Variants in PRPF8 observed in about 807,000 individuals in gnomAD.
PRPF8 encodes pre-mRNA-processing-splicing factor 8.
In PRPF8, 64 loss-of-function variants were observed where a neutral mutation model predicts 285.9. The ratio of observed to expected loss-of-function variants is 0.22; its 90% CI spans 0.18 to 0.28. The LOEUF (loss-of-function observed/expected upper bound fraction) is 0.28. Among genes scored for constraint, PRPF8 ranks in the 10% least tolerant of loss-of-function variants. The pLI is 1.00. For missense variants in PRPF8, 1,426 were observed against 3,026.7 expected, an observed-to-expected ratio of 0.47 and a Z score of 12.41; for synonymous variants, 1,325 against 1,118.2, an observed-to-expected ratio of 1.18 and a Z score of -3.69.
At chr17:1,683,730 G>T in intron 2 of PRPF8, 29 bp from the exon 3 acceptor site, 1 of 1,612,624 alleles carries the variant, frequency 6.2e-7, no homozygotes, top group Admixed American at 1.7e-5. Context: ...TTAAAGGCCT[G>T]CACACCCTCC....
At position 1,651,580 on chromosome 17, in the gene PRPF8, G is replaced by A. The variant is rs944654762; in HGVS notation, c.6511-27C>T. 1.2e-6 allele frequency: 2 copies of A among 1,614,074 alleles called. No homozygotes were observed. Among genetic ancestry groups the A allele is most frequent in the Non-Finnish European group, 1.7e-6 (2 of 1,180,018 alleles). ...TATAGGTAAAGAGGAGTACAGAGCTGAATCCCATCCACAGACAGGAATCGC... is the reference window on the plus strand; with the variant it reads ...TATAGGTAAAGAGGAGTACAGAGCTAAATCCCATCCACAGACAGGAATCGC... On this transcript the variant is annotated intron_variant, in intron 40 of 42. Coordinates refer to ENST00000304992, the MANE Select transcript of PRPF8 (RefSeq NM_006445.4). This position sits in a 1 kb window ranked among gnomAD's most constrained non-coding sequence, Gnocchi z 5.1.
In PRPF8 at chr17:1,679,486, G is replaced by T; in HGVS notation, c.1290-76C>A. ...TGCTAAAGGCTGCAAGCCTTGGGTT[G>T]TCTACCATTTTTATGGGAAAAAAAA... On this transcript the variant is annotated intron_variant, in intron 9 of 42. Coordinates refer to ENST00000304992, the MANE Select transcript of PRPF8 (RefSeq NM_006445.4). This position sits in a 1 kb window ranked among gnomAD's most constrained non-coding sequence, Gnocchi z 4.7. 15 of 1,594,304 alleles carry T rather than the reference G, an allele frequency of 9.4e-6. No homozygotes were observed. The highest frequency in any genetic ancestry group is 1.0e-5 in the Non-Finnish European group (12 of 1,173,398).
In PRPF8 at chr17:1,673,993, C is replaced by A; in HGVS notation, c.3300-101G>T. On this transcript the variant is annotated intron_variant, in intron 21 of 42. Transcript: ENST00000304992. The surrounding 1 kb of genome is among the most constrained non-coding windows in gnomAD (Gnocchi z 5.5). ...AGACGGAGACCCCACCCCATCCTAC[C>A]CCCACCCTCCCCGGGCTTCATTCCA... is the stretch of plus-strand genomic sequence containing the variant. 1 of 1,275,170 alleles carries A rather than the reference C, an allele frequency of 7.8e-7. No individual in the cohort carries two copies. 79.0% of individuals were successfully genotyped at this position (1,275,170 alleles called of 1,614,324 possible). A position where few individuals can be genotyped will look rare whatever the true frequency, so the allele number is the denominator to read the frequency against.
At chr17:1,660,850 G>C in intron 28 of PRPF8, 23 bp from the exon 29 acceptor site, 1 of 1,613,492 alleles carries the variant, frequency 6.2e-7, no homozygotes, top group Non-Finnish European at 8.5e-7. Context: ...AGAAGCAGGT[G>C]AGGTGATATC....
Position 1,656,371 on chromosome 17 carries a change from TTC to T in PRPF8, c.5793+19_5793+20del. On this transcript the variant is annotated intron_variant, in intron 36 of 42. Transcript: ENST00000304992. ...TAAACCCGCTCCTCCTCCAGCGATC[TTC>T]TCTTCCCGAGGTTCATACCGTGTAA... 6.2e-7 allele frequency: 1 copy of T among 1,614,200 alleles called. No homozygotes were observed. The highest frequency in any genetic ancestry group is 8.5e-7 in the Non-Finnish European group (1 of 1,180,012).
At position 1,675,818 on chromosome 17, in the gene PRPF8, G is replaced by A. The variant is rs1353737148; in HGVS notation, c.2680-6C>T. ...TCCATGAACTCAATGCCCACCTGTG[G>A]GACAAGGAGGCTGGTTCACACCAAT... On this transcript the variant is annotated splice_polypyrimidine_tract_variant and splice_region_variant and intron_variant, in intron 18 of 42. Coordinates refer to ENST00000304992, the MANE Select transcript of PRPF8 (RefSeq NM_006445.4). The surrounding 1 kb of genome is among the most constrained non-coding windows in gnomAD (Gnocchi z 6.0). The A allele has an allele frequency of 1.9e-6, 3 of 1,614,136 alleles. No homozygotes were observed. Among genetic ancestry groups the A allele is most frequent in the East Asian group, 2.2e-5 (1 of 44,886 alleles).
Position 1,675,096 on chromosome 17 carries a change from A to G in PRPF8, c.3060+56T>C. On this transcript the variant is annotated intron_variant, in intron 20 of 42. Coordinates refer to ENST00000304992, the MANE Select transcript of PRPF8 (RefSeq NM_006445.4). This position sits in a 1 kb window ranked among gnomAD's most constrained non-coding sequence, Gnocchi z 6.0. ...CCTCCTCCTCAGCAAATTCTGAGTC[A>G]GTGGGCCAGACAAGCACTCCACACA... 6.2e-7 allele frequency: 1 copy of G among 1,603,700 alleles called. No homozygotes were observed. Among genetic ancestry groups the G allele is most frequent in the Non-Finnish European group, 8.5e-7 (1 of 1,173,464 alleles).
At chr17:1,682,364 G>T in intron 3 of PRPF8, 71 bp from the exon 4 acceptor site, 2 of 1,552,816 alleles carry the variant, frequency 1.3e-6, no homozygotes, top group Non-Finnish European at 1.8e-6. Flanking sequence ...ATGCAGAGAA[G>T]CCACATGTTC....
At position 1,655,310 on chromosome 17, in the gene PRPF8, A is replaced by G; in HGVS notation, c.5987+40T>C. On this transcript the variant is annotated intron_variant, in intron 37 of 42. Transcript: ENST00000304992. Reference sequence around the variant, plus strand: ...CTTCCAAAAAACCCCAGAAAACCGTATATAGACCTCCTGTCTGTGTCCCCA... The same window carrying G: ...CTTCCAAAAAACCCCAGAAAACCGTGTATAGACCTCCTGTCTGTGTCCCCA... 1.9e-6 allele frequency: 3 copies of G among 1,609,982 alleles called. No individual in the cohort carries two copies. The African/African-American group carries it at 4.0e-5, about 21-fold the overall frequency.
At position 1,675,829 on chromosome 17, in the gene PRPF8, C is replaced by A; in HGVS notation, c.2680-17G>T. ...AATGCCCACCTGTGGGACAAGGAGG[C>A]TGGTTCACACCAATCCACCAACTGC... is the stretch of plus-strand genomic sequence containing the variant. On this transcript the variant is annotated splice_polypyrimidine_tract_variant and intron_variant, in intron 18 of 42. Coordinates refer to ENST00000304992, the MANE Select transcript of PRPF8 (RefSeq NM_006445.4). This position sits in a 1 kb window ranked among gnomAD's most constrained non-coding sequence, Gnocchi z 6.0. The A allele has an allele frequency of 6.2e-7, 1 of 1,614,186 alleles. No homozygotes were observed. The highest frequency in any genetic ancestry group is 8.5e-7 in the Non-Finnish European group (1 of 1,180,038).
In PRPF8 at chr17:1,683,620, A is replaced by G. The variant is rs1913058338; in HGVS notation, c.182T>C (p.Met61Thr). The change falls in exon 3 of 43, where the codon ATG (methionine) becomes ACG (threonine). Residue 61 changes from methionine (M) to threonine (T), a missense_variant. This residue lies in a region of PRPF8 where 72 missense variants were observed against 80.0 expected (regional missense o/e 0.90). Coordinates refer to ENST00000304992, the MANE Select transcript of PRPF8 (RefSeq NM_006445.4). Reference protein sequence around the residue: ...FGFVDAQKEDMPPEHVRKIIR... With the variant: ...FGFVDAQKEDTPPEHVRKIIR... The stretch of plus-strand genomic sequence containing the variant: ...GATCTTCCTGACATGTTCTGGGGGC[A>G]TGTCTTCCTTCTGGGCATCCACAAA... 2.5e-6 allele frequency: 4 copies of G among 1,614,084 alleles called. No homozygotes were observed. Among genetic ancestry groups the G allele is most frequent in the Non-Finnish European group, 3.4e-6 (4 of 1,180,006 alleles).
Position 1,680,953 on chromosome 17 carries a change from A to G in PRPF8, c.968T>C (p.Leu323Pro). 1 of 1,614,170 alleles carries G rather than the reference A, an allele frequency of 6.2e-7. No homozygotes were observed. The highest frequency in any genetic ancestry group is 1.1e-5 in the South Asian group (1 of 91,086). The change falls in exon 7 of 43, where the codon CTT (leucine) becomes CCT (proline). Residue 323 changes from leucine to proline, a missense_variant. Around this residue, in one of 34 missense-constraint regions of PRPF8, gnomAD observed 157 missense variants for 159.6 expected, o/e 0.98. Coordinates refer to ENST00000304992, the MANE Select transcript of PRPF8 (RefSeq NM_006445.4). Reference protein sequence around the residue: ...KIAFPYLYNNLPHHVHLTWYH... With the variant: ...KIAFPYLYNNPPHHVHLTWYH... ...CCAGGTGAGGTGGACATGGTGTGGA[A>G]GATTGTTGTACAAGTAAGGAAAAGC...
At chr17:1,669,418 T>A (rs1475337182) in intron 24 of PRPF8, among the ~76,000 whole-genome samples, 1 of 152,158 alleles carries the variant, frequency 6.6e-6, no homozygotes, top group Non-Finnish European at 1.5e-5. Context: ...TCCACACTTT[T>A]CTCTTGTACA....
Position 1,661,411 on chromosome 17 carries a change from C to CA in PRPF8, c.4203-6dup, listed in dbSNP as rs1567679939. On this transcript the variant is annotated splice_polypyrimidine_tract_variant and splice_region_variant and intron_variant, in intron 26 of 42. Transcript: ENST00000304992. This position sits in a 1 kb window ranked among gnomAD's most constrained non-coding sequence, Gnocchi z 7.3. ...AGGTCTTCTAAAGTCAGGCGTCTTC[C>CA]AAAAAAAGAAAGATTCAAGTCAAAA... 1.9e-6 allele frequency: 3 copies of CA among 1,613,804 alleles called. No individual in the cohort carries two copies. The highest frequency in any genetic ancestry group is 2.2e-5 in the South Asian group (2 of 91,080).
chr17:1,678,421 T>G, intron 13 of PRPF8, 97 bp downstream of exon 13: 1 of 1,492,518 alleles, frequency 6.7e-7, no homozygotes, highest in South Asian at 1.1e-5. Flanking sequence ...AGGCGGAGGT[T>G]GCAGTGAGCC....
rs948364941 is a variant in PRPF8 at position 1,676,912 on chromosome 17, C to T, written c.2181+64G>A. 42 of 1,588,456 alleles carry T rather than the reference C, an allele frequency of 2.6e-5. No individual in the cohort carries two copies. The highest frequency in any genetic ancestry group is 2.2e-4 in the Middle Eastern group (1 of 4,558). ...AGCCAGATAGCCCCCTAATGATTCC[C>T]GAAGTGGTAATCCTACCCTAAAGAC... On this transcript the variant is annotated intron_variant, in intron 15 of 42. Transcript: ENST00000304992. The surrounding 1 kb of genome is among the most constrained non-coding windows in gnomAD (Gnocchi z 6.3).
Position 1,673,592 on chromosome 17 carries a change from C to T in PRPF8, c.3447-25G>A. ...TCTGCCCACAGAGAACACATGGTCA[C>T]AGCAGTTTCTTGGAAGGAACTTCCC... On this transcript the variant is annotated intron_variant, in intron 22 of 42. Coordinates refer to ENST00000304992, the MANE Select transcript of PRPF8 (RefSeq NM_006445.4). The surrounding 1 kb of genome is among the most constrained non-coding windows in gnomAD (Gnocchi z 5.5). 6.2e-7 allele frequency: 1 copy of T among 1,613,778 alleles called. No homozygotes were observed. The highest frequency in any genetic ancestry group is 8.5e-7 in the Non-Finnish European group (1 of 1,180,002).
In PRPF8 at chr17:1,684,599, T is replaced by C; in HGVS notation, c.-11-17A>G. Reference sequence around the variant, plus strand: ...CCGGAGAATCTGGGGAGCGGCGGGATAGAAAAATTCACTAACCACAGGCCC... The same window carrying C: ...CCGGAGAATCTGGGGAGCGGCGGGACAGAAAAATTCACTAACCACAGGCCC... On this transcript the variant is annotated splice_polypyrimidine_tract_variant and intron_variant, in intron 1 of 42. Transcript: ENST00000304992. The C allele has an allele frequency of 6.2e-7, 1 of 1,610,650 alleles. No homozygotes were observed. Among genetic ancestry groups the C allele is most frequent in the Non-Finnish European group, 8.5e-7 (1 of 1,178,794 alleles).
At chr17:1,682,394 T>G (rs373319352) in intron 3 of PRPF8, 101 bp from the exon 4 acceptor site, 1 of 1,467,684 alleles carries the variant, frequency 6.8e-7, no homozygotes, top group African/African-American at 1.4e-5. Flanking sequence ...AGTCCTACCT[T>G]ACAATCCAAA....
Sources: gnomAD v4.1 joint callset for allele counts (sites outside exome capture counted in the v4.1 genomes callset) on GRCh38, gnomAD v4.1.1 for gene constraint, gnomAD v4.1.1 regional missense constraint, Gnocchi (gnomAD v3.1) non-coding constraint, MANE v1.5 for transcripts, NCBI Gene and HGNC (gene_info 2026-07-23, HGNC 2026-07-21) for gene names.